The following GRIK2 variants were observed in gnomAD, a reference collection of about 807,000 sequenced individuals.
GRIK2 encodes glutamate receptor ionotropic, kainate 2.
Under a neutral mutation model 100.3 loss-of-function variants are expected in GRIK2, and 32 were observed. The ratio of observed to expected loss-of-function variants is 0.32; its 90% confidence interval spans 0.24 to 0.43. The LOEUF (loss-of-function observed/expected upper bound fraction) is 0.43. Ranked by LOEUF, GRIK2 falls within the 20% of genes least tolerant of loss-of-function variation. The pLI is 1.00. For synonymous variants in GRIK2, 417 were observed against 389.4 expected (o/e 1.07, Z -0.83); for missense variants, 843 against 1,114.9 (o/e 0.76, Z 3.47).
intron 2 of GRIK2, among the ~76,000 whole-genome samples, chr6:101,540,055 G>C (rs975980429): frequency 6.6e-6 from 1 of 151,266 alleles, no homozygotes; most frequent in Non-Finnish European, 1.5e-5. Flanking sequence ...TGCCATGAAA[G>C]GTCAGCACTT....
chr6:101,939,087 C>T (rs1437511746), intron 14 of GRIK2, among the ~76,000 whole-genome samples: 1 of 151,978 alleles, frequency 6.6e-6, no homozygotes, highest in Non-Finnish European at 1.5e-5. Context: ...TGGTTCATTT[C>T]AATTTATTAC....
At chr6:101,813,459 T>C (rs1164449723) in intron 9 of GRIK2, among the ~76,000 whole-genome samples, 1 of 152,180 alleles carries the variant, frequency 6.6e-6, no homozygotes, top group Non-Finnish European at 1.5e-5. Flanking sequence ...TTATCTTGTG[T>C]AAGTACAATG....
At chr6:101,719,781 T>C (rs1013372765) in intron 7 of GRIK2, among the ~76,000 whole-genome samples, 3 of 151,990 alleles carry the variant, frequency 2.0e-5, no homozygotes, top group Non-Finnish European at 4.4e-5. Flanking sequence ...GGTGGCAAAG[T>C]AAAATCTGAA....
At chr6:101,840,783 AAAAC>A (rs140146473) in intron 10 of GRIK2, among the ~76,000 whole-genome samples, 7,457 of 152,238 alleles carry the variant, frequency 0.049, 342 homozygotes, top group East Asian at 0.23. Flanking sequence ...ATTGATTAAA[AAAAC>A]AAACAAACAA....
intron 2 of GRIK2, among the ~76,000 whole-genome samples, chr6:101,575,329 G>A (rs1013149449): frequency 2.6e-5 from 4 of 151,770 alleles, no homozygotes; most frequent in African/African-American, 9.7e-5. Context: ...TTTTGTAGCA[G>A]ACCAAGTTTT....
At chr6:101,557,387 A>G (rs1420122619) in intron 2 of GRIK2, among the ~76,000 whole-genome samples, 1 of 152,194 alleles carries the variant, frequency 6.6e-6, no homozygotes, top group African/African-American at 2.4e-5. Flanking sequence ...TCTCTGGGTT[A>G]TTAAACTAGT....
chr6:101,868,497 T>C (rs1262419448), intron 11 of GRIK2, among the ~76,000 whole-genome samples: 3 of 151,652 alleles, frequency 2.0e-5, no homozygotes, highest in African/African-American at 4.8e-5. Flanking sequence ...CTGTGTGTTA[T>C]TAAATAATAA....
chr6:101,408,952 C>G (rs905738423), intron 2 of GRIK2, among the ~76,000 whole-genome samples: 8 of 151,958 alleles, frequency 5.3e-5, no homozygotes, highest in Admixed American at 5.2e-4. Flanking sequence ...AATGATTAAG[C>G]AAGGAAAAGT....
At chr6:101,878,814 C>G (rs1016720690) in intron 11 of GRIK2, among the ~76,000 whole-genome samples, 1 of 151,996 alleles carries the variant, frequency 6.6e-6, no homozygotes, top group African/African-American at 2.4e-5. Flanking sequence ...CCAGTGCTGG[C>G]TGCTCTGTCT....
At chr6:102,000,618 G>A (rs937034791) in intron 14 of GRIK2, among the ~76,000 whole-genome samples, 1 of 151,980 alleles carries the variant, frequency 6.6e-6, no homozygotes, top group Admixed American at 6.6e-5. Flanking sequence ...GGTAATTTGT[G>A]TCTTTCAAAG....
chr6:101,824,323 A>G (rs554975985), intron 10 of GRIK2, among the ~76,000 whole-genome samples: 27 of 152,200 alleles, frequency 1.8e-4, no homozygotes, highest in African/African-American at 5.5e-4. Flanking sequence ...ATTCCATTGT[A>G]TCATTCTTAT....
chr6:101,916,725 A>C (rs2128467563), intron 12 of GRIK2, among the ~76,000 whole-genome samples: 1 of 151,812 alleles, frequency 6.6e-6, no homozygotes, highest in East Asian at 1.9e-4. Flanking sequence ...AGTTTTCTTA[A>C]GTCATTTGTT....
At chr6:101,735,565 A>G (rs1775575138) in intron 7 of GRIK2, among the ~76,000 whole-genome samples, 1 of 152,160 alleles carries the variant, frequency 6.6e-6, no homozygotes, top group South Asian at 2.1e-4. Context: ...GAGCTTGTGT[A>G]GGGAAACTTC....
chr6:101,839,931 A>C (rs765199421), intron 10 of GRIK2, among the ~76,000 whole-genome samples: 3 of 152,118 alleles, frequency 2.0e-5, no homozygotes, highest in Admixed American at 6.6e-5. Flanking sequence ...TCTAGTTGGC[A>C]GTTAGATATG....
intron 14 of GRIK2, among the ~76,000 whole-genome samples, chr6:101,946,434 G>A (rs888233112): frequency 1.3e-5 from 2 of 151,978 alleles, no homozygotes; most frequent in African/African-American, 4.8e-5. Flanking sequence ...AGGAGGCTGA[G>A]GTGGGAGGAT....
chr6:101,512,857 T>C (rs1774387680), intron 2 of GRIK2, among the ~76,000 whole-genome samples: 1 of 152,106 alleles, frequency 6.6e-6, no homozygotes, highest in African/African-American at 2.4e-5. Context: ...TAAGAAAATT[T>C]CTAGCTTCAA....
chr6:101,783,480 C>A (rs1380793538), intron 7 of GRIK2, among the ~76,000 whole-genome samples: 2 of 152,114 alleles, frequency 1.3e-5, no homozygotes, highest in Non-Finnish European at 2.9e-5. Flanking sequence ...GTCCTTATAG[C>A]AGTGTGAAAA....
chr6:101,592,326 A>T (rs1778688489), intron 2 of GRIK2, among the ~76,000 whole-genome samples: 1 of 151,802 alleles, frequency 6.6e-6, no homozygotes, highest in Admixed American at 6.6e-5. Flanking sequence ...GGATTGGGCA[A>T]ATGGAATGCT....
At chr6:102,017,745 T>G (rs1769194376) in intron 14 of GRIK2, among the ~76,000 whole-genome samples, 1 of 152,142 alleles carries the variant, frequency 6.6e-6, no homozygotes, top group East Asian at 1.9e-4. Context: ...TCTTTATTTT[T>G]CAGTTTGAGA....
Sources: gnomAD v4.1 joint callset for allele counts (sites outside exome capture counted in the v4.1 genomes callset) on GRCh38, gnomAD v4.1.1 for gene constraint, MANE v1.5 for transcripts, NCBI Gene and HGNC (gene_info 2026-07-23, HGNC 2026-07-21) for gene names.